The following CHEK2 variants were observed in gnomAD, a reference collection of about 807,000 sequenced individuals.
CHEK2 encodes the protein checkpoint kinase 2.
CHEK2 carries 71 observed loss-of-function variants against 69.1 expected under a neutral mutation model. The ratio of observed to expected loss-of-function variants is 1.03; its 90% CI spans 0.85 to 1.25. The LOEUF is 1.25. Ranked by LOEUF, CHEK2 falls within the 50% of genes most tolerant of loss-of-function variation. The probability of loss-of-function intolerance (pLI) is 0.00; values close to 1 mark genes in which losing one functional copy is unlikely to be tolerated. For synonymous variants in CHEK2, 189 were observed against 226.9 expected (o/e 0.83, Z 1.50); for missense variants, 664 against 649.6 (o/e 1.02, Z -0.24).
chr22:28,693,898 A>G (rs1473600347), intron 13 of CHEK2, 134 bp downstream of exon 13: 8 of 735,762 alleles, frequency 1.1e-5, no homozygotes, highest in Non-Finnish European at 1.7e-5. Context: ...ATCCTCCAAG[A>G]TACCCCCCAT....
chr22:28,704,254 C>T (rs1372301940), intron 7 of CHEK2, among the ~76,000 whole-genome samples: 2 of 151,388 alleles, frequency 1.3e-5, no homozygotes, highest in Non-Finnish European at 2.9e-5. Context: ...TTTAAAATGC[C>T]TATACAATAT....
chr22:28,712,082 G>C (rs1354634329), intron 5 of CHEK2, 65 bp from the exon 6 acceptor site: 36 of 1,088,330 alleles, frequency 3.3e-5, no homozygotes, highest in Non-Finnish European at 4.6e-5. Context: ...ACCACTCCTG[G>C]GTCCACTTCA....
At chr22:28,740,819 A>G (rs2054533461) in intron 1 of CHEK2, among the ~76,000 whole-genome samples, 1 of 152,168 alleles carries the variant, frequency 6.6e-6, no homozygotes, top group African/African-American at 2.4e-5. Flanking sequence ...GGGAATGCAA[A>G]TTAGTATAGC....
chr22:28,693,462 C>G (rs1231781843), intron 13 of CHEK2, among the ~76,000 whole-genome samples: 16 of 152,156 alleles, frequency 1.1e-4, no homozygotes, highest in Admixed American at 3.3e-4. Flanking sequence ...CCCCCTCCCC[C>G]ACTTCCCTGA....
intron 7 of CHEK2, 65 bp downstream of exon 7, chr22:28,709,941 G>T (rs1033029279): frequency 2.1e-6 from 2 of 964,182 alleles, no homozygotes; most frequent in Non-Finnish European, 3.3e-6. Flanking sequence ...ATACTGAAAG[G>T]CTTTATACTC....
intron 9 of CHEK2, 98 bp from the exon 10 acceptor site, chr22:28,697,085 GTAAGCCGTGATACACACAACCA>G: frequency 1.3e-6 from 1 of 776,578 alleles, no homozygotes; most frequent in South Asian, 1.4e-5. Context: ...GGGTGAAACC[GTAAGCCGTGATACACACAACCA>G]TATTCTCCAA....
At position 28,699,998 on chromosome 22, in the gene CHEK2, A is replaced by T. The variant is rs143467815; in HGVS notation, c.909-61T>A. 352 of 1,082,170 alleles carry T rather than the reference A, an allele frequency of 3.3e-4. 2 individuals are homozygous for T. The East Asian group carries it at 7.1e-3, about 22-fold the overall frequency. The allele number at this position is 1,082,170 out of a possible 1,614,324, so 67.0% of individuals were successfully genotyped here. On this transcript the variant is annotated intron_variant, in intron 8 of 14. Transcript: ENST00000404276. ...GGGGGAAAACGCACTTGGACAGAAG[A>T]CAATAAAACAACAAAACAAATTCAT...
intron 1 of CHEK2, among the ~76,000 whole-genome samples, chr22:28,738,439 C>T (rs1210528873): frequency 6.6e-6 from 1 of 152,146 alleles, no homozygotes; most frequent in Non-Finnish European, 1.5e-5. Flanking sequence ...TTGAGTGAAA[C>T]TGTGCATGAC....
At chr22:28,740,393 A>G (rs2054522037) in intron 1 of CHEK2, among the ~76,000 whole-genome samples, 1 of 152,150 alleles carries the variant, frequency 6.6e-6, no homozygotes, top group Non-Finnish European at 1.5e-5. Flanking sequence ...CCCGCATCAA[A>G]AACTCTTCCT....
chr22:28,691,809 A>C (rs1316466469), intron 13 of CHEK2, among the ~76,000 whole-genome samples: 1 of 152,258 alleles, frequency 6.6e-6, no homozygotes, highest in African/African-American at 2.4e-5. Flanking sequence ...GGATGCTCCC[A>C]AAACTGGGCA....
intron 2 of CHEK2, among the ~76,000 whole-genome samples, chr22:28,728,910 C>A (rs1391096030): frequency 3.3e-5 from 5 of 151,564 alleles, no homozygotes; most frequent in African/African-American, 1.2e-4. Flanking sequence ...CCTGGGAGGT[C>A]AAGCCTGCAG....
At chr22:28,736,794 A>G (rs1260415883) in intron 1 of CHEK2, among the ~76,000 whole-genome samples, 1 of 150,146 alleles carries the variant, frequency 6.7e-6, no homozygotes, top group African/African-American at 2.5e-5. Flanking sequence ...AAAAAATAAG[A>G]AAATTAGACA....
intron 14 of CHEK2, among the ~76,000 whole-genome samples, chr22:28,688,643 T>G (rs2052219788): frequency 6.6e-6 from 1 of 151,570 alleles, no homozygotes; most frequent in Non-Finnish European, 1.5e-5. Flanking sequence ...CACTCCGGCC[T>G]GAGTGACAAA....
At chr22:28,736,592 G>A (rs1461520237) in intron 1 of CHEK2, among the ~76,000 whole-genome samples, 1 of 152,196 alleles carries the variant, frequency 6.6e-6, no homozygotes. Context: ...ATAAACTGGA[G>A]ACCGTAACAG....
At chr22:28,726,818 G>A (rs1035964465) in intron 2 of CHEK2, among the ~76,000 whole-genome samples, 4 of 143,256 alleles carry the variant, frequency 2.8e-5, no homozygotes, top group Non-Finnish European at 4.5e-5. Flanking sequence ...AGGGTCTGGC[G>A]TCTGCCACCA....
intron 14 of CHEK2, 23 bp downstream of exon 14, chr22:28,689,112 G>C (rs1423416373): frequency 6.6e-7 from 1 of 1,516,526 alleles, no homozygotes; most frequent in African/African-American, 1.4e-5. Context: ...ACTACATTTA[G>C]TGATCATCAG....
At chr22:28,720,426 T>C (rs968293794) in intron 4 of CHEK2, among the ~76,000 whole-genome samples, 3 of 152,034 alleles carry the variant, frequency 2.0e-5, no homozygotes, top group Non-Finnish European at 4.4e-5. Flanking sequence ...CTTTTTAAAT[T>C]CTATAACCCA....
chr22:28,707,830 C>CTT (rs11453597), intron 7 of CHEK2, among the ~76,000 whole-genome samples: 2,958 of 102,438 alleles, frequency 0.029, 119 homozygotes, highest in South Asian at 0.045. Context: ...TTGTGTTTAT[C>CTT]TTTTTTTTTT....
At chr22:28,710,347 G>A (rs537543577) in intron 6 of CHEK2, among the ~76,000 whole-genome samples, 79 of 152,228 alleles carry the variant, frequency 5.2e-4, no homozygotes, top group Non-Finnish European at 9.3e-4. Flanking sequence ...TTACAGATGG[G>A]GCAACCAAGG....
Sources: gnomAD v4.1 joint callset for allele counts (sites outside exome capture counted in the v4.1 genomes callset) on GRCh38, gnomAD v4.1.1 for gene constraint, MANE v1.5 for transcripts, NCBI Gene and HGNC (gene_info 2026-07-23, HGNC 2026-07-21) for gene names.